Variants in LRRC4C observed in about 807,000 individuals in gnomAD.
LRRC4C encodes leucine rich repeat containing 4C, also known as leucine-rich repeat-containing protein 4C.
A neutral mutation model predicts 33.6 loss-of-function variants in LRRC4C; 5 were observed. The ratio of observed to expected loss-of-function variants is 0.15; its 90% confidence interval spans 0.08 to 0.31. LRRC4C has a LOEUF of 0.31. Ranked by LOEUF, LRRC4C falls within the 10% of genes least tolerant of loss-of-function variation. The pLI, the probability that LRRC4C is intolerant of heterozygous loss-of-function variation, is 1.00. For missense variants in LRRC4C, 560 were observed against 796.7 expected, an observed-to-expected ratio of 0.70 and a Z score of 3.58; for synonymous variants, 329 against 302.0, an observed-to-expected ratio of 1.09 and a Z score of -0.93.
chr11:41,109,038 A>G (rs530930319), intron 1 of LRRC4C, among the ~76,000 whole-genome samples: 1 of 152,078 alleles, frequency 6.6e-6, no homozygotes, highest in South Asian at 2.1e-4. Context: ...TTTCCATTCT[A>G]TATAGATAAT....
intron 1 of LRRC4C, among the ~76,000 whole-genome samples, chr11:41,104,271 A>T (rs1332126056): frequency 2.0e-5 from 3 of 152,066 alleles, no homozygotes; most frequent in African/African-American, 7.2e-5. Flanking sequence ...ACTAAAGTCA[A>T]ATAAAGAAGC....
intron 4 of LRRC4C, among the ~76,000 whole-genome samples, chr11:40,264,756 C>A (rs1350560615): frequency 6.6e-6 from 1 of 152,176 alleles, no homozygotes; most frequent in Non-Finnish European, 1.5e-5. Flanking sequence ...AGAGCCTGTT[C>A]TCATTCTGAA....
chr11:40,901,999 T>TACACACACACAC (rs369525560), intron 2 of LRRC4C, among the ~76,000 whole-genome samples: 3 of 139,738 alleles, frequency 2.1e-5, no homozygotes, highest in South Asian at 2.3e-4. Flanking sequence ...TCTCTCTCTC[T>TACACACACACAC]ACACACACAC....
At chr11:40,199,851 T>C (rs977820144) in intron 5 of LRRC4C, among the ~76,000 whole-genome samples, 1 of 152,146 alleles carries the variant, frequency 6.6e-6, no homozygotes, top group African/African-American at 2.4e-5. Context: ...TCCAGGGATG[T>C]TCTCTTGTTT....
intron 3 of LRRC4C, among the ~76,000 whole-genome samples, chr11:40,409,508 T>C (rs181162206): frequency 1.3e-5 from 2 of 151,976 alleles, no homozygotes; most frequent in Admixed American, 1.3e-4. Flanking sequence ...GAGGTTAATG[T>C]CCAAAGAATA....
chr11:40,205,146 T>G (rs76034768), intron 5 of LRRC4C, among the ~76,000 whole-genome samples: 1 of 152,174 alleles, frequency 6.6e-6, no homozygotes, highest in Non-Finnish European at 1.5e-5. Flanking sequence ...GGTTCATATT[T>G]GTCTTTGTCA....
At chr11:40,760,009 C>T (rs992249186) in intron 2 of LRRC4C, among the ~76,000 whole-genome samples, 16 of 151,218 alleles carry the variant, frequency 1.1e-4, no homozygotes, top group Non-Finnish European at 1.9e-4. Context: ...TTGACCAATC[C>T]CTGGCATTCA....
intron 2 of LRRC4C, among the ~76,000 whole-genome samples, chr11:40,764,087 G>T (rs930539586): frequency 6.6e-6 from 1 of 152,118 alleles, no homozygotes; most frequent in Non-Finnish European, 1.5e-5. Context: ...AAGGAAGAGT[G>T]GGGAGGACTT....
intron 2 of LRRC4C, among the ~76,000 whole-genome samples, chr11:40,650,595 A>G (rs1224017134): frequency 6.6e-6 from 1 of 152,176 alleles, no homozygotes; most frequent in Non-Finnish European, 1.5e-5. Context: ...AGATTGTCAA[A>G]CCCAAATTGT....
intron 1 of LRRC4C, among the ~76,000 whole-genome samples, chr11:41,015,152 CTAATGTAGAATGAACATTT>C (rs1324514890): frequency 6.6e-6 from 1 of 152,012 alleles, no homozygotes; most frequent in Non-Finnish European, 1.5e-5. Flanking sequence ...TTTCTAATGG[CTAATGTAGAATGAACATTT>C]TAGGAGTCCA....
chr11:41,436,725 T>C (rs1432967980), intron 1 of LRRC4C, among the ~76,000 whole-genome samples: 1 of 152,186 alleles, frequency 6.6e-6, no homozygotes, highest in Non-Finnish European at 1.5e-5. Context: ...GCCACTTCTC[T>C]AAATCATTTT....
chr11:40,201,019 G>A lies in LRRC4C; in HGVS notation c.-96+40500C>T, dbSNP rs561417677. ...AAACCTTTATGCAATAAGTTGAAGC[G>A]GAATGTAGTGTGTGTGTTTATGTGA... On this transcript the variant is annotated intron_variant, in intron 5 of 6. Coordinates refer to ENST00000528697, the MANE Select transcript of LRRC4C (RefSeq NM_001258419.2). Among the ~76,000 whole-genome samples the A allele has an allele frequency of 5.9e-5, 9 of 152,254 alleles. No homozygotes were observed. The East Asian group carries it at 9.7e-4, about 16-fold the overall frequency.
chr11:40,455,349 A>T (rs1329666610), intron 3 of LRRC4C, among the ~76,000 whole-genome samples: 3 of 152,178 alleles, frequency 2.0e-5, no homozygotes, highest in Non-Finnish European at 4.4e-5. Context: ...CTGCTCTCCA[A>T]GGATAGGCAT....
intron 2 of LRRC4C, among the ~76,000 whole-genome samples, chr11:40,905,379 C>T (rs1019630948): frequency 1.3e-5 from 2 of 151,372 alleles, no homozygotes; most frequent in Non-Finnish European, 2.9e-5. Context: ...TCTCAGGGCT[C>T]ACATATAGAA....
At chr11:40,303,256 T>C (rs931585535) in intron 4 of LRRC4C, among the ~76,000 whole-genome samples, 7 of 152,126 alleles carry the variant, frequency 4.6e-5, no homozygotes, top group Non-Finnish European at 1.0e-4. Flanking sequence ...ATAAGAAATG[T>C]CAAGGGTTAG....
At chr11:41,245,947 G>T (rs1005275136) in intron 1 of LRRC4C, among the ~76,000 whole-genome samples, 1 of 152,116 alleles carries the variant, frequency 6.6e-6, no homozygotes, top group African/African-American at 2.4e-5. Context: ...GAGGGAGTGT[G>T]TGCTGATTGG....
At chr11:40,835,336 A>C (rs1002721682) in intron 2 of LRRC4C, among the ~76,000 whole-genome samples, 1 of 152,158 alleles carries the variant, frequency 6.6e-6, no homozygotes, top group African/African-American at 2.4e-5. Flanking sequence ...ACATAAAATT[A>C]CTCTGTCAAA....
chr11:41,370,234 A>G (rs948015474), intron 1 of LRRC4C, among the ~76,000 whole-genome samples: 2 of 152,092 alleles, frequency 1.3e-5, no homozygotes, highest in African/African-American at 4.8e-5. Flanking sequence ...ACCAGGCTGA[A>G]GTACAGTGGA....
At chr11:40,767,651 T>C (rs568014030) in intron 2 of LRRC4C, among the ~76,000 whole-genome samples, 1 of 151,788 alleles carries the variant, frequency 6.6e-6, no homozygotes, top group Admixed American at 6.6e-5. Context: ...AAAATAAAAC[T>C]AGAAATAATA....
Sources: allele counts gnomAD v4.1 joint callset (sites outside exome capture counted in the v4.1 genomes callset), GRCh38; gene constraint gnomAD v4.1.1; transcripts MANE v1.5; gene names NCBI Gene and HGNC (gene_info 2026-07-23, HGNC 2026-07-21).